Variants in POM121 observed in about 807,000 individuals in gnomAD.
POM121 encodes the protein POM121 transmembrane nucleoporin.
In POM121, 32 loss-of-function variants were observed where a neutral mutation model predicts 81.3. The observed-to-expected ratio is 0.39, with a 90% CI of 0.30 to 0.53. The LOEUF is 0.53. Ranked by LOEUF, POM121 falls within the 20% of genes least tolerant of loss-of-function variation. The pLI is 0.66. For synonymous variants in POM121, 514 were observed against 694.2 expected (o/e 0.74, Z 4.08); for missense variants, 1,138 against 1,614.6 (o/e 0.70, Z 5.06).
intron 3 of POM121, among the ~76,000 whole-genome samples, chr7:72,903,039 T>A (rs563528809): frequency 3.9e-5 from 6 of 152,216 alleles, no homozygotes; most frequent in African/African-American, 1.4e-4. Flanking sequence ...TACTCTCTTA[T>A]GTCACTGCAT....
At chr7:72,900,775 A>T (rs1310620737) in intron 3 of POM121, among the ~76,000 whole-genome samples, 4 of 152,102 alleles carry the variant, frequency 2.6e-5, no homozygotes, top group African/African-American at 9.7e-5. Context: ...AAGTGTTGGG[A>T]CTAGAGGTGT....
intron 11 of POM121, 94 bp from the exon 12 acceptor site, chr7:72,945,490 CGT>C (rs1230980692): frequency 1.4e-6 from 2 of 1,469,354 alleles, no homozygotes; most frequent in Non-Finnish European, 1.8e-6. Flanking sequence ...CTGAGGGTCC[CGT>C]GGGAAGTGCC....
At chr7:72,927,155 G>A (rs1386182539) in intron 3 of POM121, among the ~76,000 whole-genome samples, 192 bp downstream of exon 3, 152,332 of 152,334 alleles carry the variant, frequency 1, 76,165 homozygotes, top group Non-Finnish European at 1. Flanking sequence ...AGGTTAGATC[G>A]ATGTTGTAAT....
At chr7:72,881,066 CT>C (rs3973810) in intron 1 of POM121, among the ~76,000 whole-genome samples, 499 of 47,228 alleles carry the variant, frequency 0.011, 1 homozygote, top group African/African-American at 0.023. Flanking sequence ...CCCTATCACT[CT>C]TTTTTTTTTT....
chr7:72,903,963 G>C (rs1554493061), intron 3 of POM121, among the ~76,000 whole-genome samples: 1 of 152,134 alleles, frequency 6.6e-6, no homozygotes, highest in East Asian at 1.9e-4. Context: ...CACCACACCT[G>C]GCTAATTTTT....
upstream of POM121, chr7:72,925,063 C>CG (rs1391023452): frequency 7.4e-7 from 1 of 1,356,006 alleles, no homozygotes; most frequent in East Asian, 3.1e-5. Flanking sequence ...CGCGATGACG[C>CG]GACGCGCGGC....
At position 72,925,678 on chromosome 7, in the gene POM121, C is replaced by A; in HGVS notation, c.557C>A (p.Pro186Gln). ...CGCTCCCCACCGCCGCGCTCCCCCC[C>A]GCCCTCCCCGCCGACCCATCGCGCT... Reference protein sequence around the residue: ...PPRSPPPRSPPPSPPTHRAHH... With the variant: ...PPRSPPPRSPQPSPPTHRAHH... The change falls in exon 1 of 13, where the codon CCG (proline) becomes CAG (glutamine). Residue 186 changes from proline to glutamine, a missense_variant. Pro to Gln is a moderately conservative substitution (Grantham distance 76, BLOSUM62 -1). Around this residue, in one of 7 missense-constraint regions of POM121, gnomAD observed 646 missense variants for 633.5 expected, o/e 1.02. Transcript: ENST00000434423. 9.8e-6 allele frequency: 12 copies of A among 1,228,338 alleles called. No homozygotes were observed. The South Asian group carries it at 2.1e-4, about 21-fold the overall frequency. The allele number at this position is 1,228,338 out of a possible 1,614,324, so 76.1% of individuals were successfully genotyped here.
At position 72,947,906 on chromosome 7, in the gene POM121, A is replaced by G. The variant is rs1797800096; in HGVS notation, c.*1672A>G. The G allele has an allele frequency of 9.9e-7, 1 of 1,007,410 alleles. No individual in the cohort carries two copies. The highest frequency in any genetic ancestry group is 1.7e-5 in the African/African-American group (1 of 57,516). The allele number at this position is 1,007,410 out of a possible 1,614,324, so 62.4% of individuals were successfully genotyped here. On this transcript the variant is annotated 3_prime_UTR_variant, in exon 13 of 13. Coordinates refer to ENST00000434423, the MANE Select transcript of POM121 (RefSeq NM_001387691.1). The stretch of plus-strand genomic sequence containing the variant: ...GCGGGGCTGCTCCTTCCCACCCCTC[A>G]GAACAGCTCTGATCCTCGTTAATAC...
At position 72,930,511 on chromosome 7, in the gene POM121, C is replaced by T. The variant is rs187491671; in HGVS notation, c.1275+400C>T. 7.8e-4 allele frequency among the ~76,000 whole-genome samples: 119 copies of T among 152,268 alleles called. 1 individual carries two copies. Among genetic ancestry groups the T allele is most frequent in the African/African-American group, 2.8e-3 (116 of 41,546 alleles). On this transcript the variant is annotated intron_variant, in intron 5 of 12. Coordinates refer to ENST00000434423, the MANE Select transcript of POM121 (RefSeq NM_001387691.1). The stretch of plus-strand genomic sequence containing the variant: ...GAGACAGAGCTGTGTTGTAGATAAA[C>T]GGACAGAGGGTGATTCGAAAGGTAG...
intron 4 of POM121, among the ~76,000 whole-genome samples, chr7:72,916,436 T>G (rs782768490): frequency 1.9e-4 from 29 of 152,194 alleles, no homozygotes; most frequent in Non-Finnish European, 3.5e-4. Flanking sequence ...CTTACCCCAT[T>G]GCTTGTTTTT....
At position 72,925,510 on chromosome 7, in the gene POM121, A is replaced by G; in HGVS notation, c.389A>G (p.Asp130Gly). ...CCGCGGACCCTGCTCGAAGGACCTGACCCTGCGGAACTGCTACTCATGGGC... is the reference window on the plus strand; with the variant it reads ...CCGCGGACCCTGCTCGAAGGACCTGGCCCTGCGGAACTGCTACTCATGGGC... Reference protein sequence around the residue: ...LEPRTLLEGPDPAELLLMGSY... With the variant: ...LEPRTLLEGPGPAELLLMGSY... Residue 130 changes from aspartate to glycine, a missense_variant, in exon 1 of 13, where the codon GAC becomes GGC. This residue lies in a region of POM121 where 646 missense variants were observed against 633.5 expected (regional missense o/e 1.02). Coordinates refer to ENST00000434423, the MANE Select transcript of POM121 (RefSeq NM_001387691.1). The G allele has an allele frequency of 6.6e-7, 1 of 1,526,236 alleles. No individual in the cohort carries two copies. The highest frequency in any genetic ancestry group is 8.8e-7 in the Non-Finnish European group (1 of 1,142,100). The allele number at this position is 1,526,236 out of a possible 1,614,324, so 94.5% of individuals were successfully genotyped here. A position where few individuals can be genotyped will look rare whatever the true frequency, so the allele number is the denominator to read the frequency against.
chr7:72,929,075 A>G (rs1381733375), intron 4 of POM121, among the ~76,000 whole-genome samples: 3 of 152,186 alleles, frequency 2.0e-5, no homozygotes, highest in Non-Finnish European at 2.9e-5. Context: ...ACAAACGGAA[A>G]TTCATTCCCA....
intron 3 of POM121, among the ~76,000 whole-genome samples, chr7:72,896,494 GA>G (rs1198162423): frequency 2.2e-5 from 3 of 137,528 alleles, no homozygotes; most frequent in Admixed American, 7.5e-5. Context: ...TCAAAAAAAA[GA>G]AAAAAAGTTA....
chr7:72,920,587 C>T (rs1794727681), upstream of POM121, among the ~76,000 whole-genome samples: 1 of 152,078 alleles, frequency 6.6e-6, no homozygotes, highest in Non-Finnish European at 1.5e-5. Flanking sequence ...ATCTCCTGAC[C>T]TCATGATCCG....
chr7:72,902,255 CTTT>C (rs1210238081), intron 3 of POM121, among the ~76,000 whole-genome samples: 2 of 126,618 alleles, frequency 1.6e-5, no homozygotes, highest in Admixed American at 8.0e-5. Context: ...CTTTTTCTTT[CTTT>C]TTTTTTTTTT....
intron 3 of POM121, among the ~76,000 whole-genome samples, chr7:72,896,791 T>A (rs1384773584): frequency 1.3e-5 from 2 of 152,190 alleles, no homozygotes; most frequent in Admixed American, 6.5e-5. Context: ...TTAGAACATG[T>A]CACATTCATT....
intron 5 of POM121, among the ~76,000 whole-genome samples, chr7:72,938,251 G>A (rs1554499887): frequency 6.7e-6 from 1 of 148,630 alleles, no homozygotes; most frequent in Non-Finnish European, 1.5e-5. Context: ...TTTTGAGACA[G>A]GGTCTCACTC....
At chr7:72,903,613 C>G (rs1792931128) in intron 3 of POM121, among the ~76,000 whole-genome samples, 1 of 152,140 alleles carries the variant, frequency 6.6e-6, no homozygotes. Context: ...GAAAGTCTCT[C>G]TGCCATTAGC....
At position 72,946,326 on chromosome 7, in the gene POM121, A is replaced by T; in HGVS notation, c.*92A>T. The T allele has an allele frequency of 6.6e-7, 1 of 1,514,744 alleles. No homozygotes were observed. Among genetic ancestry groups the T allele is most frequent in the Non-Finnish European group, 8.8e-7 (1 of 1,130,052 alleles). The allele number at this position is 1,514,744 out of a possible 1,614,324, so 93.8% of individuals were successfully genotyped here. A position where few individuals can be genotyped will look rare whatever the true frequency, so the allele number is the denominator to read the frequency against. Reference sequence around the variant, plus strand: ...GAGCCTTGGACCCTTCCAGTTGCGTAAAGCAAACCTACCCCGGATCTCTGG... The same window carrying T: ...GAGCCTTGGACCCTTCCAGTTGCGTTAAGCAAACCTACCCCGGATCTCTGG... On this transcript the variant is annotated 3_prime_UTR_variant, in exon 13 of 13. Transcript: ENST00000434423.
Sources: gnomAD v4.1 joint callset for allele counts (sites outside exome capture counted in the v4.1 genomes callset) on GRCh38, gnomAD v4.1.1 for gene constraint, gnomAD v4.1.1 regional missense constraint, MANE v1.5 for transcripts, NCBI Gene and HGNC (gene_info 2026-07-23, HGNC 2026-07-21) for gene names.